JAZF1: variants seen among roughly 807,000 people sequenced by gnomAD.
JAZF1 encodes the protein JAZF zinc finger 1.
In JAZF1, 8 loss-of-function variants were observed where a neutral mutation model predicts 26.4. That is an observed-to-expected ratio of 0.30 (90% confidence interval 0.18 to 0.55). JAZF1 has a LOEUF of 0.55. Among genes scored for constraint, JAZF1 ranks in the 20% least tolerant of loss-of-function variants. The probability of loss-of-function intolerance (pLI) is 0.94; values close to 1 mark genes in which losing one functional copy is unlikely to be tolerated. For synonymous variants in JAZF1, 126 were observed against 122.3 expected (o/e 1.03, Z -0.20); for missense variants, 199 against 322.0 (o/e 0.62, Z 2.92).
chr7:27,845,364 T>C (rs909711146), intron 3 of JAZF1, among the ~76,000 whole-genome samples: 3 of 152,002 alleles, frequency 2.0e-5, no homozygotes, highest in African/African-American at 7.3e-5. Context: ...GAATGAACAA[T>C]GCAGACCACT....
chr7:27,854,336 T>C (rs967758164), intron 3 of JAZF1, among the ~76,000 whole-genome samples: 1 of 152,246 alleles, frequency 6.6e-6, no homozygotes, highest in African/African-American at 2.4e-5. Flanking sequence ...TGCTAGTCTG[T>C]GTCTTTTAAT....
chr7:28,101,085 C>G (rs1445597038), intron 1 of JAZF1, among the ~76,000 whole-genome samples: 1 of 152,132 alleles, frequency 6.6e-6, no homozygotes, highest in Non-Finnish European at 1.5e-5. Flanking sequence ...TGCTTTGAAG[C>G]ATATTTAGTG....
chr7:27,898,457 A>G (rs1784109996), intron 2 of JAZF1, among the ~76,000 whole-genome samples: 1 of 151,574 alleles, frequency 6.6e-6, no homozygotes, highest in Admixed American at 6.6e-5. Flanking sequence ...AAGTGCCACC[A>G]CCATGCCCAG....
intron 2 of JAZF1, among the ~76,000 whole-genome samples, chr7:27,925,096 C>A (rs901815649): frequency 2.6e-5 from 4 of 152,198 alleles, no homozygotes; most frequent in Non-Finnish European, 5.9e-5. Context: ...ATTGAAAACA[C>A]CTTTGGAAAA....
intron 1 of JAZF1, among the ~76,000 whole-genome samples, chr7:28,141,887 A>G (rs1782964294): frequency 6.6e-6 from 1 of 152,186 alleles, no homozygotes; most frequent in Non-Finnish European, 1.5e-5. Context: ...TAAAAATAAT[A>G]CTTGTTACTG....
intron 2 of JAZF1, among the ~76,000 whole-genome samples, chr7:27,920,144 G>A (rs767448159): frequency 6.6e-6 from 1 of 152,186 alleles, no homozygotes; most frequent in African/African-American, 2.4e-5. Flanking sequence ...AGTACAGTGA[G>A]TCCTTAGCGT....
At chr7:28,015,344 G>A (rs549975774) in intron 1 of JAZF1, among the ~76,000 whole-genome samples, 3 of 152,084 alleles carry the variant, frequency 2.0e-5, no homozygotes, top group South Asian at 2.1e-4. Flanking sequence ...AGGGGAAAAC[G>A]AAGAAATCTG....
chr7:28,063,751 C>T (rs1390215205), intron 1 of JAZF1, among the ~76,000 whole-genome samples: 1 of 151,984 alleles, frequency 6.6e-6, no homozygotes, highest in Non-Finnish European at 1.5e-5. Flanking sequence ...GTAATAGAAA[C>T]AAGCAAATAT....
intron 2 of JAZF1, among the ~76,000 whole-genome samples, chr7:27,901,877 C>T (rs1379213078): frequency 1.3e-5 from 2 of 152,132 alleles, no homozygotes; most frequent in African/African-American, 4.8e-5. Context: ...TGAATGATTC[C>T]AGCAATAGCA....
At chr7:28,146,854 G>T (rs849143) in intron 1 of JAZF1, among the ~76,000 whole-genome samples, 117,054 of 149,928 alleles carry the variant, frequency 0.78, 46,254 homozygotes, top group East Asian at 0.98. Context: ...CGTTTTGGTG[G>T]TTTTTTTTTG....
intron 3 of JAZF1, among the ~76,000 whole-genome samples, chr7:27,895,019 T>C (rs985451294): frequency 6.6e-6 from 1 of 152,188 alleles, no homozygotes; most frequent in Non-Finnish European, 1.5e-5. Context: ...CATTATCACA[T>C]GCATATTAAC....
chr7:27,836,141 C>T lies in JAZF1; in HGVS notation c.556-3165G>A, dbSNP rs905660104. ...TTAGTCTCCTAATGTGCTAGGTACT[C>T]GTTAATTAGAACAACCAGCTAGTGG... On this transcript the variant is annotated intron_variant, in intron 4 of 4. Transcript: ENST00000283928. 1.7e-4 allele frequency among the ~76,000 whole-genome samples: 26 copies of T among 152,218 alleles called. 1 individual carries two copies. The highest frequency in any genetic ancestry group is 2.9e-5 in the Non-Finnish European group (2 of 68,022).
chr7:28,152,274 A>G (rs775234923), intron 1 of JAZF1, among the ~76,000 whole-genome samples: 4 of 152,194 alleles, frequency 2.6e-5, no homozygotes, highest in Non-Finnish European at 4.4e-5. Context: ...CGATTTTCCC[A>G]TATTTGGCTA....
At chr7:28,151,848 A>G (rs1403515751) in intron 1 of JAZF1, among the ~76,000 whole-genome samples, 1 of 152,196 alleles carries the variant, frequency 6.6e-6, no homozygotes, top group Admixed American at 6.5e-5. Context: ...AGTCAAAACT[A>G]ATGTTTTTAA....
chr7:28,100,884 A>G (rs1464170454), intron 1 of JAZF1, among the ~76,000 whole-genome samples: 4 of 152,216 alleles, frequency 2.6e-5, no homozygotes, highest in South Asian at 2.1e-4. Context: ...TCTACACTGT[A>G]TTTTGTATTG....
intron 1 of JAZF1, among the ~76,000 whole-genome samples, chr7:28,124,369 G>A (rs772618751): frequency 6.6e-6 from 1 of 152,188 alleles, no homozygotes; most frequent in African/African-American, 2.4e-5. Context: ...TACACTTAAC[G>A]CCAACTGGCC....
chr7:28,012,395 A>C (rs1782813320), intron 1 of JAZF1, among the ~76,000 whole-genome samples: 1 of 152,180 alleles, frequency 6.6e-6, no homozygotes, highest in Non-Finnish European at 1.5e-5. Context: ...TCAAAAATGG[A>C]GGGACTCATG....
intron 2 of JAZF1, among the ~76,000 whole-genome samples, chr7:27,899,056 G>T (rs1180006325): frequency 6.6e-6 from 1 of 152,152 alleles, no homozygotes; most frequent in Non-Finnish European, 1.5e-5. Flanking sequence ...CTAGCATGCT[G>T]CTCCTCTTCC....
intron 3 of JAZF1, among the ~76,000 whole-genome samples, chr7:27,858,524 C>T (rs1324104672): frequency 6.6e-6 from 1 of 152,072 alleles, no homozygotes; most frequent in Non-Finnish European, 1.5e-5. Context: ...GTACGGATGC[C>T]AAAACAGATA....
Sources: allele counts gnomAD v4.1 joint callset (sites outside exome capture counted in the v4.1 genomes callset), GRCh38; gene constraint gnomAD v4.1.1; transcripts MANE v1.5; gene names NCBI Gene and HGNC (gene_info 2026-07-23, HGNC 2026-07-21).